The following KCTD16 variants were observed in gnomAD, a reference collection of about 807,000 sequenced individuals.
The protein encoded by KCTD16 is potassium channel tetramerization domain containing 16, also known as BTB/POZ domain-containing protein KCTD16.
KCTD16 carries 13 observed loss-of-function variants against 33.2 expected under a neutral mutation model. The observed-to-expected ratio is 0.39, with a 90% CI of 0.25 to 0.62. The LOEUF is 0.62. KCTD16 is among the 20% of genes least tolerant of loss of function. The probability of loss-of-function intolerance (pLI) is 0.50; values close to 1 mark genes in which losing one functional copy is unlikely to be tolerated. For synonymous variants in KCTD16, 197 were observed against 195.3 expected, an observed-to-expected ratio of 1.01 and a Z score of -0.07; for missense variants, 441 against 525.1, an observed-to-expected ratio of 0.84 and a Z score of 1.57.
chr5:144,223,527 G>A (rs76213213), intron 3 of KCTD16, among the ~76,000 whole-genome samples: 12,328 of 152,056 alleles, frequency 0.081, 592 homozygotes, highest in Middle Eastern at 0.17. Flanking sequence ...TTCCTGACTT[G>A]TGTAATAATT....
intron 3 of KCTD16, among the ~76,000 whole-genome samples, chr5:144,409,083 C>T (rs374871770): frequency 1.3e-5 from 2 of 152,152 alleles, no homozygotes; most frequent in Non-Finnish European, 2.9e-5. Context: ...CAGTATCTAG[C>T]ACATGTAAAT....
rs558588793 is a variant in KCTD16 at position 144,401,014 on chromosome 5, TGGAAAGGTAGGCAG to T, written c.833-72642_833-72629del. Among the ~76,000 whole-genome samples, 495 of 152,182 alleles carry T rather than the reference TGGAAAGGTAGGCAG, an allele frequency of 3.3e-3. 1 individual carries two copies. Among genetic ancestry groups the T allele is most frequent in the Admixed American group, 5.6e-3 (86 of 15,270 alleles). ...GCAAAATCAGTAGCGGGCCAAAGTT[TGGAAAGGTAGGCAG>T]GGACATATCATGAGACCTTGAAGAC... On this transcript the variant is annotated intron_variant, in intron 3 of 3. Transcript: ENST00000512467.
intron 3 of KCTD16, among the ~76,000 whole-genome samples, chr5:144,231,673 C>A (rs936299672): frequency 1.3e-5 from 2 of 152,072 alleles, no homozygotes; most frequent in Admixed American, 1.3e-4. Context: ...TTCCCCCATA[C>A]TGTTCTCATG....
intron 3 of KCTD16, among the ~76,000 whole-genome samples, chr5:144,408,093 G>T (rs1411630355): frequency 6.6e-6 from 1 of 152,124 alleles, no homozygotes; most frequent in Non-Finnish European, 1.5e-5. Flanking sequence ...GGTATTTCTG[G>T]TCCTAGATCC....
rs1320055768 is a variant in KCTD16 at position 144,344,923 on chromosome 5, C to T, written c.833-128737C>T. 5.3e-5 allele frequency among the ~76,000 whole-genome samples: 8 copies of T among 151,646 alleles called. No individual in the cohort carries two copies. In the South Asian group the frequency reaches 1.7e-3, roughly 32 times the overall value. ...ATGCACACGTATGTTTATTGCGGCA[C>T]TATTCACAATAGCAAAGACTTGGAA... is the stretch of plus-strand genomic sequence containing the variant. On this transcript the variant is annotated intron_variant, in intron 3 of 3. Coordinates refer to ENST00000512467, the MANE Select transcript of KCTD16 (RefSeq NM_020768.4).
intron 3 of KCTD16, among the ~76,000 whole-genome samples, chr5:144,289,995 A>G (rs1755849613): frequency 6.6e-6 from 1 of 152,180 alleles, no homozygotes; most frequent in South Asian, 2.1e-4. Flanking sequence ...AAGACCAAAC[A>G]ATAGGCCAGG....
intron 3 of KCTD16, among the ~76,000 whole-genome samples, chr5:144,233,093 G>A (rs1369105258): frequency 1.3e-5 from 2 of 151,726 alleles, no homozygotes; most frequent in Non-Finnish European, 2.9e-5. Flanking sequence ...CAGGCAGATC[G>A]AGTCATGGTA....
chr5:144,465,783 TTTG>T (rs1274578115), intron 3 of KCTD16, among the ~76,000 whole-genome samples: 13 of 148,322 alleles, frequency 8.8e-5, no homozygotes, highest in African/African-American at 1.8e-4. Context: ...ATTTAACTTT[TTTG>T]TTTTTTTTTT....
chr5:144,226,745 G>T (rs1477716267), intron 3 of KCTD16, among the ~76,000 whole-genome samples: 1 of 151,940 alleles, frequency 6.6e-6, no homozygotes, highest in Admixed American at 6.6e-5. Context: ...GCTAATTTTT[G>T]TATTTTTAGT....
intron 2 of KCTD16, among the ~76,000 whole-genome samples, chr5:144,175,181 C>T (rs1242969362): frequency 1.3e-5 from 2 of 152,230 alleles, no homozygotes; most frequent in East Asian, 3.8e-4. Flanking sequence ...AACTCAATTA[C>T]TCCTCCTCCT....
At chr5:144,416,455 T>C (rs1298386932) in intron 3 of KCTD16, among the ~76,000 whole-genome samples, 1 of 152,146 alleles carries the variant, frequency 6.6e-6, no homozygotes, top group East Asian at 1.9e-4. Context: ...GAAGATTGAA[T>C]GAGACACACC....
chr5:144,304,183 T>C (rs934964504), intron 3 of KCTD16, among the ~76,000 whole-genome samples: 1 of 152,118 alleles, frequency 6.6e-6, no homozygotes, highest in African/African-American at 2.4e-5. Flanking sequence ...TTATTTTAGA[T>C]AGAATAAAAA....
At chr5:144,339,913 C>G (rs1373173120) in intron 3 of KCTD16, among the ~76,000 whole-genome samples, 3 of 152,208 alleles carry the variant, frequency 2.0e-5, no homozygotes, top group African/African-American at 7.2e-5. Context: ...ATACTTGCCC[C>G]TCTCTCAATA....
chr5:144,261,739 T>C (rs1755018069), intron 3 of KCTD16, among the ~76,000 whole-genome samples: 1 of 152,196 alleles, frequency 6.6e-6, no homozygotes, highest in Non-Finnish European at 1.5e-5. Flanking sequence ...GGAGGGACAA[T>C]TATTTTTCTT....
intron 2 of KCTD16, among the ~76,000 whole-genome samples, chr5:144,199,604 A>G (rs1371628568): frequency 6.6e-6 from 1 of 150,942 alleles, no homozygotes; most frequent in African/African-American, 2.4e-5. Flanking sequence ...CTTCATGCTG[A>G]TGAGATCACA....
chr5:144,252,273 C>T (rs902253489), intron 3 of KCTD16, among the ~76,000 whole-genome samples: 25 of 152,102 alleles, frequency 1.6e-4, no homozygotes, highest in Admixed American at 9.2e-4. Context: ...TCCAAGTGTT[C>T]ATTTATTTGG....
At chr5:144,445,650 G>A (rs1377143935) in intron 3 of KCTD16, among the ~76,000 whole-genome samples, 1 of 151,792 alleles carries the variant, frequency 6.6e-6, no homozygotes, top group Non-Finnish European at 1.5e-5. Flanking sequence ...TTCCCCTTCT[G>A]TTATTTTGGT....
chr5:144,298,421 C>A (rs1332663301), intron 3 of KCTD16, among the ~76,000 whole-genome samples: 1 of 152,120 alleles, frequency 6.6e-6, no homozygotes, highest in Non-Finnish European at 1.5e-5. Flanking sequence ...CTATTTTCAG[C>A]CTTTACAGAG....
chr5:144,242,591 T>C (rs78763779), intron 3 of KCTD16, among the ~76,000 whole-genome samples: 2,541 of 152,266 alleles, frequency 0.017, 63 homozygotes, highest in African/African-American at 0.051. Flanking sequence ...TACTTAAGCC[T>C]GGGTAATTTA....
Sources: allele counts gnomAD v4.1 joint callset (sites outside exome capture counted in the v4.1 genomes callset), GRCh38; gene constraint gnomAD v4.1.1; transcripts MANE v1.5; gene names NCBI Gene and HGNC (gene_info 2026-07-23, HGNC 2026-07-21).